PPP1R13B: variants seen among roughly 807,000 people sequenced by gnomAD.
PPP1R13B encodes the protein apoptosis-stimulating of p53 protein 1.
PPP1R13B carries 44 observed loss-of-function variants against 119.8 expected under a neutral mutation model. The observed-to-expected ratio is 0.37, with a 90% CI of 0.29 to 0.47. The LOEUF (loss-of-function observed/expected upper bound fraction) is 0.47. Among genes scored for constraint, PPP1R13B ranks in the 20% least tolerant of loss-of-function variants. The pLI, the probability that PPP1R13B is intolerant of heterozygous loss-of-function variation, is 0.99. For missense variants in PPP1R13B, 1,227 were observed against 1,413.5 expected, an observed-to-expected ratio of 0.87 and a Z score of 2.12; for synonymous variants, 542 against 561.5, an observed-to-expected ratio of 0.97 and a Z score of 0.49.
chr14:103,816,392 A>G (rs911259439), intron 1 of PPP1R13B, among the ~76,000 whole-genome samples: 1 of 150,502 alleles, frequency 6.6e-6, no homozygotes, highest in Non-Finnish European at 1.5e-5. Flanking sequence ...TCCAGAACTC[A>G]GGCCAGGTTT....
chr14:103,734,797 G>A lies in PPP1R13B; in HGVS notation c.*357C>T, dbSNP rs1250097727. On this transcript the variant is annotated 3_prime_UTR_variant, in exon 17 of 17. Transcript: ENST00000202556. ...GGCGGACAGTGTTCACTGCTGGAGGGGGTGATGGCCTCGGGGCCAAGTCAG... is the reference window on the plus strand; with the variant it reads ...GGCGGACAGTGTTCACTGCTGGAGGAGGTGATGGCCTCGGGGCCAAGTCAG... 4.3e-6 allele frequency: 2 copies of A among 460,584 alleles called. No homozygotes were observed. The highest frequency in any genetic ancestry group is 8.6e-6 in the Non-Finnish European group (2 of 232,822). The allele number at this position is 460,584 out of a possible 1,614,324, so 28.5% of individuals were successfully genotyped here. A position where few individuals can be genotyped will look rare whatever the true frequency, so the allele number is the denominator to read the frequency against.
intron 2 of PPP1R13B, among the ~76,000 whole-genome samples, chr14:103,793,613 A>C (rs1159076411): frequency 6.6e-6 from 1 of 152,218 alleles, no homozygotes. Context: ...TACCCTATAC[A>C]TATCATGTAA....
intron 4 of PPP1R13B, among the ~76,000 whole-genome samples, chr14:103,758,011 T>C (rs544527831): frequency 2.1e-4 from 32 of 152,368 alleles, no homozygotes; most frequent in African/African-American, 5.5e-4. Flanking sequence ...CAAATGTGTA[T>C]TATGAGTGAC....
At chr14:103,786,757 ACT>A (rs376854379) in intron 2 of PPP1R13B, among the ~76,000 whole-genome samples, 12 of 100,164 alleles carry the variant, frequency 1.2e-4, no homozygotes, top group African/African-American at 4.5e-4. Flanking sequence ...AAGAGAGAAA[ACT>A]CTGTCTCAAA....
At chr14:103,778,991 A>G (rs1374985617) in intron 3 of PPP1R13B, among the ~76,000 whole-genome samples, 170 bp from the exon 4 acceptor site, 1 of 152,216 alleles carries the variant, frequency 6.6e-6, no homozygotes, top group Non-Finnish European at 1.5e-5. Context: ...AATCTTTTAT[A>G]TATAAAGTTG....
chr14:103,786,980 T>TTGCAAAACTAATCTTTTACATAA (rs2085480219), intron 2 of PPP1R13B, among the ~76,000 whole-genome samples: 1 of 150,650 alleles, frequency 6.6e-6, no homozygotes, highest in African/African-American at 2.5e-5. Flanking sequence ...AGTGCTGGGA[T>TTGCAAAACTAATCTTTTACATAA]TACGGGCGTG....
At chr14:103,846,988 C>T (rs1373055456) in intron 1 of PPP1R13B, 1 of 1,183,916 alleles carries the variant, frequency 8.4e-7, no homozygotes, top group Non-Finnish European at 1.1e-6. Context: ...AGACCTGTGC[C>T]CCAGCGTCCG....
intron 1 of PPP1R13B, among the ~76,000 whole-genome samples, chr14:103,817,105 T>C (rs755129124): frequency 2.0e-5 from 3 of 152,138 alleles, no homozygotes; most frequent in African/African-American, 4.8e-5. Context: ...GAAAACAAAA[T>C]TGCAAGTGCC....
intron 1 of PPP1R13B, among the ~76,000 whole-genome samples, chr14:103,818,962 G>GA (rs1231217195): frequency 6.6e-6 from 1 of 152,154 alleles, no homozygotes; most frequent in Non-Finnish European, 1.5e-5. Context: ...TAAGTGGTTA[G>GA]AAAAAGCCTT....
intron 1 of PPP1R13B, among the ~76,000 whole-genome samples, chr14:103,804,230 T>C (rs981693657): frequency 6.6e-6 from 1 of 152,166 alleles, no homozygotes. Context: ...ACAACCATTA[T>C]TAAGTAGCTT....
At chr14:103,813,755 T>G (rs142050066) in intron 1 of PPP1R13B, among the ~76,000 whole-genome samples, 81 of 152,248 alleles carry the variant, frequency 5.3e-4, no homozygotes, top group African/African-American at 1.9e-3. Context: ...TATAGATACG[T>G]GTCTGAGTAT....
chr14:103,816,828 A>G (rs1288894051), intron 1 of PPP1R13B, among the ~76,000 whole-genome samples: 2 of 152,192 alleles, frequency 1.3e-5, no homozygotes, highest in African/African-American at 4.8e-5. Context: ...ATAATTAGAA[A>G]AATAATGTTC....
At chr14:103,796,125 C>G (rs917215826) in intron 2 of PPP1R13B, among the ~76,000 whole-genome samples, 1 of 151,840 alleles carries the variant, frequency 6.6e-6, no homozygotes, top group African/African-American at 2.4e-5. Flanking sequence ...AACCCTGTTT[C>G]TACAAAAATT....
intron 1 of PPP1R13B, among the ~76,000 whole-genome samples, chr14:103,843,842 A>G (rs1293320535): frequency 6.6e-6 from 1 of 151,934 alleles, no homozygotes; most frequent in African/African-American, 2.4e-5. Flanking sequence ...AGTCTGAGCT[A>G]CTTGGTAGGC....
intron 4 of PPP1R13B, among the ~76,000 whole-genome samples, chr14:103,776,216 GGA>G (rs2085190475): frequency 6.7e-6 from 1 of 149,048 alleles, no homozygotes; most frequent in Non-Finnish European, 1.5e-5. Flanking sequence ...AAGGAAGGAA[GGA>G]AGGAAGGAAG....
At chr14:103,735,359 C>G (rs2084076800) in intron 16 of PPP1R13B, among the ~76,000 whole-genome samples, 164 bp from the exon 17 acceptor site, 1 of 152,198 alleles carries the variant, frequency 6.6e-6, no homozygotes, top group Non-Finnish European at 1.5e-5. Context: ...ACCCACCCAG[C>G]CCTCTTTAAA....
rs1395188819 is a variant in PPP1R13B at position 103,847,391 on chromosome 14, T to A, written c.-84A>T. The A allele has an allele frequency of 9.5e-7, 1 of 1,054,514 alleles. No homozygotes were observed. Among genetic ancestry groups the A allele is most frequent in the African/African-American group, 1.7e-5 (1 of 57,778 alleles). 65.3% of individuals were successfully genotyped at this position (1,054,514 alleles called of 1,614,324 possible). ...TGTGCCCACCGCTCCGGCCGCCTCC[T>A]AAGGCCGCGCTCCCGCCGCCGTGCT... On this transcript the variant is annotated 5_prime_UTR_variant, in exon 1 of 17. Coordinates refer to ENST00000202556, the MANE Select transcript of PPP1R13B (RefSeq NM_015316.3).
At chr14:103,772,098 A>G (rs139164189) in intron 4 of PPP1R13B, among the ~76,000 whole-genome samples, 2 of 152,232 alleles carry the variant, frequency 1.3e-5, no homozygotes, top group African/African-American at 4.8e-5. Context: ...AGTATTCAGT[A>G]TGTAATCCTT....
chr14:103,804,709 G>A lies in PPP1R13B; in HGVS notation c.10-7191C>T, dbSNP rs141535259. On this transcript the variant is annotated intron_variant, in intron 1 of 16. Transcript: ENST00000202556. Reference sequence around the variant, plus strand: ...TGATCACACCACTATACTACAGCCTGGGTGATAGAGTGAGATCCCATCTCT... The same window carrying A: ...TGATCACACCACTATACTACAGCCTAGGTGATAGAGTGAGATCCCATCTCT... 8.2e-4 allele frequency among the ~76,000 whole-genome samples: 124 copies of A among 152,028 alleles called. 1 individual carries two copies. Among genetic ancestry groups the A allele is most frequent in the African/African-American group, 2.9e-3 (120 of 41,452 alleles).
Sources: allele counts gnomAD v4.1 joint callset (sites outside exome capture counted in the v4.1 genomes callset), GRCh38; gene constraint gnomAD v4.1.1; transcripts MANE v1.5; gene names NCBI Gene and HGNC (gene_info 2026-07-23, HGNC 2026-07-21).